ULK1: variants seen among roughly 807,000 people sequenced by gnomAD.
The protein encoded by ULK1 is serine/threonine-protein kinase ULK1.
In ULK1, 48 loss-of-function variants were observed where a neutral mutation model predicts 117.5. The ratio of observed to expected loss-of-function variants is 0.41; its 90% CI spans 0.32 to 0.52. The LOEUF is 0.52. ULK1 is among the 20% of genes least tolerant of loss of function. The probability of loss-of-function intolerance (pLI) is 0.29; values close to 1 mark genes in which losing one functional copy is unlikely to be tolerated. For synonymous variants in ULK1, 790 were observed against 637.8 expected, an observed-to-expected ratio of 1.24 and a Z score of -3.60; for missense variants, 1,387 against 1,473.4, an observed-to-expected ratio of 0.94 and a Z score of 0.96.
In ULK1 at chr12:131,919,492, T is replaced by A; in HGVS notation, c.2705T>A (p.Leu902Gln). 1 of 1,611,842 alleles carries A rather than the reference T, an allele frequency of 6.2e-7. No homozygotes were observed. Among genetic ancestry groups the A allele is most frequent in the Non-Finnish European group, 8.5e-7 (1 of 1,179,508 alleles). Residue 902 changes from leucine (L) to glutamine (Q), a missense_variant, in exon 25 of 28, where the codon CTG becomes CAG. Physicochemically the swap from Leu to Gln is moderately radical, Grantham distance 113. This residue lies in a region of ULK1 where 900 missense variants were observed against 858.9 expected (regional missense o/e 1.05). Transcript: ENST00000321867. ...REWGFAEQLV[L>Q]YLKVAELLSS... Reference sequence around the variant, plus strand: ...CCCAGCTTCGCGGAACAGCTGGTGCTGTACCTGAAGGTGGCCGAGCTACTG... The same window carrying A: ...CCCAGCTTCGCGGAACAGCTGGTGCAGTACCTGAAGGTGGCCGAGCTACTG...
chr12:131,912,219 C>A, intron 13 of ULK1, 130 bp downstream of exon 13: 1 of 1,370,428 alleles, frequency 7.3e-7, no homozygotes, highest in Non-Finnish European at 9.7e-7. Context: ...TGGGAGCCAC[C>A]GGCATCGGCC....
Position 131,915,974 on chromosome 12 carries a change from G to C in ULK1, c.1693G>C (p.Val565Leu), listed in dbSNP as rs770827887. 2 of 1,612,416 alleles carry C rather than the reference G, an allele frequency of 1.2e-6. No individual in the cohort carries two copies. The highest frequency in any genetic ancestry group is 3.3e-5 in the Admixed American group (2 of 59,994). The part of the protein sequence containing the change: ...HSAPNLSDLH[V>L]VRPKLPKPPT... Reference sequence around the variant, plus strand: ...CGCCCCCAACCTGTCTGACTTGCACGTCGTCCGCCCCAAGCTGCCCAAACC... The same window carrying C: ...CGCCCCCAACCTGTCTGACTTGCACCTCGTCCGCCCCAAGCTGCCCAAACC... The change falls in exon 19 of 28, where the codon GTC becomes CTC. Residue 565 changes from valine (V) to leucine (L), a missense_variant. By Grantham distance (32) the Val-to-Leu change is conservative. This residue lies in a region of ULK1 where 900 missense variants were observed against 858.9 expected (regional missense o/e 1.05). Coordinates refer to ENST00000321867, the MANE Select transcript of ULK1 (RefSeq NM_003565.4).
At chr12:131,909,590 G>A (rs1889434595) in intron 8 of ULK1, among the ~76,000 whole-genome samples, 185 bp from the exon 9 acceptor site, 1 of 152,130 alleles carries the variant, frequency 6.6e-6, no homozygotes, top group Non-Finnish European at 1.5e-5. Flanking sequence ...CCGAGAGACC[G>A]TCGGCGCCCC....
chr12:131,909,287 CCGCCAGCTGCGGTCAGA>C, intron 8 of ULK1, 50 bp downstream of exon 8: 4 of 1,508,674 alleles, frequency 2.7e-6, no homozygotes, highest in Non-Finnish European at 3.6e-6. Context: ...GTGCAAGTGT[CCGCCAGCTGCGGTCAGA>C]CGCCCCCTGC....
chr12:131,918,262 C>T, intron 22 of ULK1: 1 of 584,594 alleles, frequency 1.7e-6, no homozygotes, highest in Non-Finnish European at 3.0e-6. Context: ...GTGGGCACCG[C>T]AGCCCTTGGC....
chr12:131,920,920 C>T, intron 26 of ULK1, 180 bp from the exon 27 acceptor site: 1 of 845,444 alleles, frequency 1.2e-6, no homozygotes, highest in African/African-American at 1.7e-5. Flanking sequence ...CAGGCAGTGT[C>T]TCCCCTTGGC....
intron 13 of ULK1, 151 bp from the exon 14 acceptor site, chr12:131,913,047 A>G: frequency 1.5e-6 from 1 of 654,094 alleles, no homozygotes; most frequent in Non-Finnish European, 2.4e-6. Flanking sequence ...GGACTGTACC[A>G]CCCAGGCTCT....
At position 131,921,451 on chromosome 12, in the gene ULK1, CG is replaced by C; in HGVS notation, c.*91del. 1 of 1,568,648 alleles carries C rather than the reference CG, an allele frequency of 6.4e-7. No homozygotes were observed. Among genetic ancestry groups the C allele is most frequent in the Non-Finnish European group, 8.7e-7 (1 of 1,155,558 alleles). On this transcript the variant is annotated 3_prime_UTR_variant, in exon 28 of 28. Transcript: ENST00000321867. ...TGGACTCCTCGGGACAAGCCCATGG[CG>C]CTGATCGCTGGTGCTGAGCCCTGCC...
chr12:131,914,564 C>T (rs1395060863), intron 16 of ULK1, 87 bp downstream of exon 16: 29 of 1,506,696 alleles, frequency 1.9e-5, no homozygotes, highest in South Asian at 2.5e-5. Flanking sequence ...GGGACAGGGT[C>T]GTCATCCATG....
intron 5 of ULK1, 117 bp downstream of exon 5, chr12:131,907,648 G>C (rs1889329751): frequency 2.3e-6 from 3 of 1,291,008 alleles, no homozygotes; most frequent in Non-Finnish European, 3.1e-6. Flanking sequence ...GGCTCATTGT[G>C]AGATTGGCTC....
chr12:131,917,331 G>A (rs1413300707), intron 21 of ULK1, 80 bp from the exon 22 acceptor site: 3 of 1,144,390 alleles, frequency 2.6e-6, no homozygotes, highest in Non-Finnish European at 3.4e-6. Context: ...CGTGGGATGG[G>A]GGTCGGGTTC....
intron 22 of ULK1, chr12:131,918,296 G>A: frequency 1.5e-6 from 1 of 651,146 alleles, no homozygotes; most frequent in South Asian, 2.0e-5. Flanking sequence ...CTGGGGACTT[G>A]GGGGTTGTGG....
chr12:131,917,573 G>A lies in ULK1; in HGVS notation c.2326+19G>A, dbSNP rs1889917876. On this transcript the variant is annotated intron_variant, in intron 22 of 27. Coordinates refer to ENST00000321867, the MANE Select transcript of ULK1 (RefSeq NM_003565.4). ...TTCTCAGGTGAGGGCTGGCTAGGCT[G>A]AAGCCCTGTCCCTTTTGGGGTGGTG... 3 of 1,401,838 alleles carry A rather than the reference G, an allele frequency of 2.1e-6. No individual in the cohort carries two copies. Among genetic ancestry groups the A allele is most frequent in the Non-Finnish European group, 2.8e-6 (3 of 1,071,496 alleles). 86.8% of individuals were successfully genotyped at this position (1,401,838 alleles called of 1,614,324 possible). A position where few individuals can be genotyped will look rare whatever the true frequency, so the allele number is the denominator to read the frequency against.
intron 3 of ULK1, among the ~76,000 whole-genome samples, 163 bp downstream of exon 3, chr12:131,895,987 T>G (rs539109572): frequency 6.6e-6 from 1 of 151,960 alleles, no homozygotes; most frequent in Admixed American, 6.6e-5. Flanking sequence ...TGCTGGCTCT[T>G]GCTGTGACTT....
intron 3 of ULK1, 113 bp downstream of exon 3, chr12:131,895,937 G>A: frequency 7.3e-7 from 1 of 1,376,144 alleles, no homozygotes; most frequent in Non-Finnish European, 1.0e-6. Context: ...GGGTCTACTG[G>A]GCCCCTGGAG....
Position 131,919,216 on chromosome 12 carries a change from A to G in ULK1, c.2516A>G (p.Glu839Gly), listed in dbSNP as rs1240788057. ...CCTGACGGCCGCTTCCTGCAGCAAG[A>G]GCACACGGAGATCCTGCGTGGCCTG... is the stretch of plus-strand genomic sequence containing the variant. Reference protein sequence around the residue: ...DLPEETLMEQEHTEILRGLRF... With the variant: ...DLPEETLMEQGHTEILRGLRF... The change falls in exon 24 of 28, where the codon GAG becomes GGG. Residue 839 changes from glutamate to glycine, a missense_variant. Physicochemically the swap from Glu to Gly is moderately conservative, Grantham distance 98. This residue lies in a region of ULK1 where 900 missense variants were observed against 858.9 expected (regional missense o/e 1.05). Coordinates refer to ENST00000321867, the MANE Select transcript of ULK1 (RefSeq NM_003565.4). The G allele has an allele frequency of 6.3e-7, 1 of 1,592,950 alleles. No homozygotes were observed. Among genetic ancestry groups the G allele is most frequent in the East Asian group, 2.2e-5 (1 of 44,748 alleles).
chr12:131,912,134 G>A (rs12317065), intron 13 of ULK1, 45 bp downstream of exon 13: 130,578 of 1,579,180 alleles, frequency 0.083, 11,172 homozygotes, highest in African/African-American at 0.44. Flanking sequence ...CAGGTGCGGC[G>A]GGGACAGTGC....
At chr12:131,899,225 G>A (rs1888994690) in intron 3 of ULK1, among the ~76,000 whole-genome samples, 1 of 150,364 alleles carries the variant, frequency 6.7e-6, no homozygotes, top group Non-Finnish European at 1.5e-5. Flanking sequence ...TTTCACTCTT[G>A]TTGCCCAGGC....
At chr12:131,915,022 C>G (rs1048136414) in intron 16 of ULK1, 61 bp from the exon 17 acceptor site, 10 of 1,505,518 alleles carry the variant, frequency 6.6e-6, no homozygotes, top group Middle Eastern at 3.6e-4. Context: ...AGGTCCTCTG[C>G]CGTCCACAGG....
Sources: gnomAD v4.1 joint callset for allele counts (sites outside exome capture counted in the v4.1 genomes callset) on GRCh38, gnomAD v4.1.1 for gene constraint, gnomAD v4.1.1 regional missense constraint, MANE v1.5 for transcripts, NCBI Gene and HGNC (gene_info 2026-07-23, HGNC 2026-07-21) for gene names.